Variants in UNC13C observed in about 807,000 individuals in gnomAD.
UNC13C encodes the protein unc-13 homolog C.
A neutral mutation model predicts 245.4 loss-of-function variants in UNC13C; 174 were observed. That is an observed-to-expected ratio of 0.71 (90% CI 0.63 to 0.80). The LOEUF is 0.80. Ranked by LOEUF, UNC13C falls within the 30% of genes least tolerant of loss-of-function variation. The pLI is 0.00. For missense variants in UNC13C, 2,829 were observed against 2,602.9 expected (o/e 1.09, Z -1.89); for synonymous variants, 992 against 895.1 (o/e 1.11, Z -1.93).
At chr15:54,392,317 C>G (rs1187903276) in intron 17 of UNC13C, among the ~76,000 whole-genome samples, 1 of 151,928 alleles carries the variant, frequency 6.6e-6, no homozygotes, top group African/African-American at 2.4e-5. Context: ...CAAAGTAAAT[C>G]TAGATCATCC....
At chr15:53,872,337 G>A in the UNC13C span, among the ~76,000 whole-genome samples, 2 of 102,318 alleles carry the variant, frequency 2.0e-5, no homozygotes, top group African/African-American at 3.1e-5. Context: ...CAAAATGACC[G>A]CCATTCATAG....
chr15:53,926,083 G>A, the UNC13C span, among the ~76,000 whole-genome samples: 67 of 151,736 alleles, frequency 4.4e-4, no homozygotes, highest in African/African-American at 1.5e-3. Context: ...TACTATTCTT[G>A]TTGATTAAAA....
intron 10 of UNC13C, among the ~76,000 whole-genome samples, chr15:54,281,137 A>G (rs976408680): frequency 2.6e-5 from 4 of 152,154 alleles, no homozygotes. Flanking sequence ...CTATCCATAT[A>G]CTTATACAGA....
chr15:54,620,996 G>C (rs1171436824), intron 30 of UNC13C, among the ~76,000 whole-genome samples: 2 of 151,974 alleles, frequency 1.3e-5, no homozygotes, highest in South Asian at 2.1e-4. Flanking sequence ...TAGTGTGAAG[G>C]GTTGTTCTAA....
At chr15:54,550,330 T>C (rs771320383) in intron 28 of UNC13C, among the ~76,000 whole-genome samples, 2 of 152,148 alleles carry the variant, frequency 1.3e-5, no homozygotes, top group Non-Finnish European at 2.9e-5. Flanking sequence ...TCTTCAGATG[T>C]GGCTCTTGTA....
intron 26 of UNC13C, among the ~76,000 whole-genome samples, chr15:54,535,140 T>C (rs1895932688): frequency 6.6e-6 from 1 of 152,030 alleles, no homozygotes; most frequent in Admixed American, 6.6e-5. Context: ...TCACATGCAA[T>C]GACACCCATA....
In UNC13C at chr15:54,522,490, AAACAACAAC is replaced by A. The variant is rs372205345; in HGVS notation, c.5458-3044_5458-3036del. Among the ~76,000 whole-genome samples the A allele has an allele frequency of 6.0e-3, 904 of 151,804 alleles. 12 individuals carry two copies. Among genetic ancestry groups the A allele is most frequent in the African/African-American group, 0.021 (867 of 41,246 alleles). On this transcript the variant is annotated intron_variant, in intron 24 of 32. Coordinates refer to ENST00000260323, the MANE Select transcript of UNC13C (RefSeq NM_001080534.3). ...GAGATTCTGTCTCAAAAACAAAACA[AAACAACAAC>A]AACAACAACAACAAAAAGTCTTGCC...
At chr15:54,379,498 A>G (rs1306353561) in intron 17 of UNC13C, among the ~76,000 whole-genome samples, 2 of 152,192 alleles carry the variant, frequency 1.3e-5, no homozygotes, top group South Asian at 2.1e-4. Context: ...AGCCTTTATT[A>G]TACCTTTTTT....
At chr15:54,038,099 C>CATATATATAT (rs1399556197) in intron 2 of UNC13C, among the ~76,000 whole-genome samples, 3 of 67,176 alleles carry the variant, frequency 4.5e-5, no homozygotes, top group Admixed American at 5.6e-4. Flanking sequence ...TATACATATA[C>CATATATATAT]ATATATATAT....
the UNC13C span, among the ~76,000 whole-genome samples, chr15:53,897,042 T>G: frequency 6.9e-6 from 1 of 145,564 alleles, no homozygotes; most frequent in East Asian, 2.1e-4. Context: ...GAGTCCAGCC[T>G]CCTCATTTTG....
At position 54,623,868 on chromosome 15, in the gene UNC13C, A is replaced by T; in HGVS notation, c.6273A>T (p.Gly2091=). The part of the protein sequence containing the change: ...FRPFVEVCIL[G]PNLGDKKRKQ... The stretch of plus-strand genomic sequence containing the variant: ...CCTTTGTGGAAGTTTGTATACTGGG[A>T]CCCAACCTTGGAGACAAGAAGAGAA... Residue 2091 remains glycine (G), a synonymous_variant, in exon 32 of 33, where the codon GGA becomes GGT. Transcript: ENST00000260323. 1 of 1,613,294 alleles carries T rather than the reference A, an allele frequency of 6.2e-7. No individual in the cohort carries two copies. Among genetic ancestry groups the T allele is most frequent in the Non-Finnish European group, 8.5e-7 (1 of 1,179,520 alleles).
rs142662652 is a variant in UNC13C, at chr15:54,149,954, C to A, written c.3071+6270C>A. The stretch of plus-strand genomic sequence containing the variant: ...GCACAGGAAATACACAAATACTGTG[C>A]CATTTTATATAAGGCAGTTGAGTAT... On this transcript the variant is annotated intron_variant, in intron 4 of 32. Coordinates refer to ENST00000260323, the MANE Select transcript of UNC13C (RefSeq NM_001080534.3). Among the ~76,000 whole-genome samples, 10 of 152,244 alleles carry A rather than the reference C, an allele frequency of 6.6e-5. No homozygotes were observed. In the East Asian group the frequency reaches 1.9e-3, roughly 29 times the overall value.
rs761297606 is a variant in UNC13C at position 54,015,272 on chromosome 15, A to G, written c.2369A>G (p.Lys790Arg). ...HSRLSIDLSD[K>R]TFSFPKFGST... is the part of the protein sequence containing the mutation. The stretch of plus-strand genomic sequence containing the variant: ...CGATTAAGCATTGACCTTTCTGATA[A>G]GACTTTCAGCTTCCCAAAATTTGGA... Residue 790 changes from lysine (K) to arginine (R), a missense_variant, in exon 2 of 33, where the codon AAG becomes AGG. Lys to Arg is a conservative substitution (Grantham distance 26). Transcript: ENST00000260323. 4.5e-6 allele frequency: 7 copies of G among 1,563,300 alleles called. No homozygotes were observed. Among genetic ancestry groups the G allele is most frequent in the Non-Finnish European group, 6.1e-6 (7 of 1,155,060 alleles).
intron 2 of UNC13C, among the ~76,000 whole-genome samples, chr15:54,099,425 C>T (rs1235032081): frequency 6.6e-6 from 1 of 152,168 alleles, no homozygotes; most frequent in East Asian, 1.9e-4. Flanking sequence ...GCTGGCCATG[C>T]ATCTCAAGGT....
intron 2 of UNC13C, among the ~76,000 whole-genome samples, chr15:54,082,979 T>A: frequency 6.6e-6 from 1 of 151,932 alleles, no homozygotes; most frequent in South Asian, 2.1e-4. Context: ...AGGGAGCACA[T>A]CTTGTGTACT....
intron 19 of UNC13C, among the ~76,000 whole-genome samples, chr15:54,488,373 G>C (rs1290373419): frequency 6.6e-6 from 1 of 152,232 alleles, no homozygotes; most frequent in South Asian, 2.1e-4. Flanking sequence ...ATTAGAGCTA[G>C]AGCAGTCTGC....
the UNC13C span, among the ~76,000 whole-genome samples, chr15:53,971,436 A>G: frequency 6.6e-6 from 1 of 152,242 alleles, no homozygotes; most frequent in South Asian, 2.1e-4. Flanking sequence ...AAGCAAAAGT[A>G]GACCAATTAG....
chr15:54,444,101 A>G (rs1890675116), intron 19 of UNC13C, among the ~76,000 whole-genome samples: 1 of 151,908 alleles, frequency 6.6e-6, no homozygotes, highest in South Asian at 2.1e-4. Context: ...TATATTTAGA[A>G]CTGTTATGTC....
intron 13 of UNC13C, among the ~76,000 whole-genome samples, chr15:54,308,413 A>G (rs2037780952): frequency 1.3e-5 from 2 of 151,900 alleles, no homozygotes; most frequent in South Asian, 4.1e-4. Context: ...TATTTATTAT[A>G]TACAACATGA....
Sources: gnomAD v4.1 joint callset for allele counts (sites outside exome capture counted in the v4.1 genomes callset) on GRCh38, gnomAD v4.1.1 for gene constraint, MANE v1.5 for transcripts, NCBI Gene and HGNC (gene_info 2026-07-23, HGNC 2026-07-21) for gene names.